Variants in PSG7 observed in about 807,000 individuals in gnomAD.
PSG7 encodes pregnancy specific beta-1-glycoprotein 7, also known as pregnancy-specific beta-1-glycoprotein 7.
PSG7 carries 57 observed loss-of-function variants against 45.6 expected under a neutral mutation model. That is an observed-to-expected ratio of 1.25 (90% CI 1.01 to 1.56). PSG7 has a LOEUF of 1.56. Ranked by LOEUF, PSG7 falls within the 40% of genes most tolerant of loss-of-function variation. The probability of loss-of-function intolerance (pLI) is 0.00; values close to 1 mark genes in which losing one functional copy is unlikely to be tolerated. For missense variants in PSG7, 796 were observed against 508.4 expected (o/e 1.57, Z -5.44); for synonymous variants, 298 against 194.4 (o/e 1.53, Z -4.43).
chr19:42,935,931 T>C (rs528131110), intron 1 of PSG7, among the ~76,000 whole-genome samples, 162 bp from the exon 2 acceptor site: 27 of 138,518 alleles, frequency 1.9e-4, no homozygotes, highest in African/African-American at 4.3e-4. Flanking sequence ...CACACACACA[T>C]ATAAAAGGGG....
At chr19:42,933,291 ATATATATATATATATATTTT>A (rs1159825421) in intron 2 of PSG7, among the ~76,000 whole-genome samples, 2 of 9,706 alleles carry the variant, frequency 2.1e-4, no homozygotes, top group African/African-American at 3.1e-4. Flanking sequence ...ATATATATAT[ATATATATATATATATATTTT>A]TTTTTTTTTT....
chr19:42,935,880 AC>A, intron 1 of PSG7, 111 bp from the exon 2 acceptor site: 1 of 722,054 alleles, frequency 1.4e-6, no homozygotes, highest in Non-Finnish European at 2.0e-6. Flanking sequence ...GAAGACACAC[AC>A]ACACACACAC....
chr19:42,935,602 A>G lies in PSG7; in HGVS notation c.232T>C (p.Tyr78His). The G allele has an allele frequency of 6.2e-7, 1 of 1,612,120 alleles. No individual in the cohort carries two copies. The highest frequency in any genetic ancestry group is 2.2e-5 in the East Asian group (1 of 44,782). ...CCGTCTACTATATATGATGTAACATAATGGTAGAGGTCCCTGATTTGTCCT... is the reference window on the plus strand; with the variant it reads ...CCGTCTACTATATATGATGTAACATGATGGTAGAGGTCCCTGATTTGTCCT... ...YKGQIRDLYH[Y>H]VTSYIVDGQI... The change falls in exon 2 of 6, where the codon TAT (tyrosine) becomes CAT (histidine). Residue 78 changes from tyrosine to histidine, a missense_variant. Tyr to His is a moderately conservative substitution (Grantham distance 83). Coordinates refer to ENST00000406070, the MANE Select transcript of PSG7 (RefSeq NM_002783.3).
At chr19:42,929,303 G>A (rs1257554781) in intron 3 of PSG7, 139 bp downstream of exon 3, 3 of 1,565,128 alleles carry the variant, frequency 1.9e-6, no homozygotes, top group Non-Finnish European at 2.6e-6. Context: ...GTTTGCCTGG[G>A]GCAGGAAGTC....
At position 42,927,042 on chromosome 19, in the gene PSG7, C is replaced by T. The variant is rs1172807664; in HGVS notation, c.710-326G>A. ...TAATGAGTTGACTGGCTGGCTCACC[C>T]TGGGTTCATTACCTGGAATGTGCAA... On this transcript the variant is annotated intron_variant, in intron 3 of 5. Coordinates refer to ENST00000406070, the MANE Select transcript of PSG7 (RefSeq NM_002783.3). The T allele has an allele frequency of 2.5e-5, 10 of 408,144 alleles. 1 individual carries two copies. The highest frequency in any genetic ancestry group is 4.3e-5 in the Non-Finnish European group (10 of 231,520). 25.3% of individuals were successfully genotyped at this position (408,144 alleles called of 1,614,324 possible). A position where few individuals can be genotyped will look rare whatever the true frequency, so the allele number is the denominator to read the frequency against.
At position 42,935,486 on chromosome 19, in the gene PSG7, G is replaced by A. The variant is rs1469827247; in HGVS notation, c.348C>T (p.Asp116=). 2 of 1,612,152 alleles carry A rather than the reference G, an allele frequency of 1.2e-6. No individual in the cohort carries two copies. Among genetic ancestry groups the A allele is most frequent in the Non-Finnish European group, 1.7e-6 (2 of 1,179,024 alleles). Reference sequence around the variant, plus strand: ...TGATGTGTAAAGTGTAGGATCCTGTGTCTTCCTGGGTGACATTCTGGATCA... The same window carrying A: ...TGATGTGTAAAGTGTAGGATCCTGTATCTTCCTGGGTGACATTCTGGATCA... ...SLLIQNVTQE[D]TGSYTLHIIK... Residue 116 remains aspartate, a synonymous_variant, in exon 2 of 6, where the codon GAC becomes GAT. Coordinates refer to ENST00000406070, the MANE Select transcript of PSG7 (RefSeq NM_002783.3).
chr19:42,930,805 A>C (rs543750300), intron 2 of PSG7, among the ~76,000 whole-genome samples: 2 of 151,592 alleles, frequency 1.3e-5, no homozygotes, highest in South Asian at 4.2e-4. Context: ...GTGTGGTTTC[A>C]GTTATGCAGG....
intron 5 of PSG7, chr19:42,925,393 A>G (rs1424449874): frequency 4.6e-6 from 2 of 433,568 alleles, no homozygotes; most frequent in East Asian, 1.1e-4. Flanking sequence ...CATTCCCAGA[A>G]GTATAGTTTA....
At chr19:42,933,134 C>G (rs952963143) in intron 2 of PSG7, among the ~76,000 whole-genome samples, 1 of 148,026 alleles carries the variant, frequency 6.8e-6, no homozygotes, top group Non-Finnish European at 1.5e-5. Context: ...TCCTGTGCCC[C>G]TGAAACTATC....
At position 42,935,608 on chromosome 19, in the gene PSG7, A is replaced by T. The variant is rs1474668370; in HGVS notation, c.226T>A (p.Tyr76Asn). ...IWYKGQIRDL[Y>N]HYVTSYIVDG... Reference sequence around the variant, plus strand: ...ACTATATATGATGTAACATAATGGTAGAGGTCCCTGATTTGTCCTTTGTAC... The same window carrying T: ...ACTATATATGATGTAACATAATGGTTGAGGTCCCTGATTTGTCCTTTGTAC... The change falls in exon 2 of 6, where the codon TAC (tyrosine) becomes AAC (asparagine). Residue 76 changes from tyrosine to asparagine, a missense_variant. Tyr to Asn is a moderately radical substitution (Grantham distance 143). Coordinates refer to ENST00000406070, the MANE Select transcript of PSG7 (RefSeq NM_002783.3). 1 of 1,612,168 alleles carries T rather than the reference A, an allele frequency of 6.2e-7. No individual in the cohort carries two copies. Among genetic ancestry groups the T allele is most frequent in the Non-Finnish European group, 8.5e-7 (1 of 1,179,116 alleles).
At chr19:42,929,221 G>C (rs1300076314) in intron 3 of PSG7, 11 of 1,079,634 alleles carry the variant, frequency 1.0e-5, no homozygotes, top group Non-Finnish European at 1.4e-5. Context: ...ATCACAAGCT[G>C]TGGACCCTGA....
chr19:42,929,608 C>T lies in PSG7; in HGVS notation c.543G>A (p.Trp181Ter), dbSNP rs371931751. 2 of 1,612,494 alleles carry T rather than the reference C, an allele frequency of 1.2e-6. No individual in the cohort carries two copies. Among genetic ancestry groups the T allele is most frequent in the Admixed American group, 1.7e-5 (1 of 59,900 alleles). ...TCATAGGGAGGCTCTGACCATTCAT[C>T]CACCACAGGTAGCTTGCATCTGGAG... ...PETPDASYLW[W>*]MNGQSLPMTH... Residue 181 changes from tryptophan to a stop codon, truncating the protein, a stop_gained, in exon 3 of 6, where the codon TGG becomes TGA. Coordinates refer to ENST00000406070, the MANE Select transcript of PSG7 (RefSeq NM_002783.3). LOFTEE classifies it high-confidence loss of function.
chr19:42,929,248 G>T (rs1600565883), intron 3 of PSG7, 194 bp downstream of exon 3: 9 of 1,304,730 alleles, frequency 6.9e-6, no homozygotes. Flanking sequence ...CATGACAGGA[G>T]CAGCCTCTTT....
intron 2 of PSG7, among the ~76,000 whole-genome samples, chr19:42,930,087 A>G (rs551820506): frequency 4.6e-5 from 7 of 151,622 alleles, no homozygotes; most frequent in Non-Finnish European, 7.4e-5. Flanking sequence ...GAATCTTCTT[A>G]GTTTCAATCT....
rs887148891 is a variant in PSG7, at chr19:42,929,712, G to T, written c.439C>A (p.Pro147Thr). 1.2e-6 allele frequency: 2 copies of T among 1,611,848 alleles called. No homozygotes were observed. Among genetic ancestry groups the T allele is most frequent in the South Asian group, 2.2e-5 (2 of 90,752 alleles). Residue 147 changes from proline (P) to threonine (T), a missense_variant, in exon 3 of 6, where the codon CCC (proline) becomes ACC (threonine). Pro to Thr is a conservative substitution (Grantham distance 38). Transcript: ENST00000406070. ...RFTFTLYLET[P>T]KPSISSSNFN... ...TTGCTGCTGGAGATGGAGGGTTTGG[G>T]AGTCTCCACTGTGCGGAAAACAGAG...
At position 42,926,008 on chromosome 19, in the gene PSG7, T is replaced by A; in HGVS notation, c.1008A>T (p.Arg336Ser). 1 of 1,611,898 alleles carries A rather than the reference T, an allele frequency of 6.2e-7. No homozygotes were observed. Among genetic ancestry groups the A allele is most frequent in the Non-Finnish European group, 8.5e-7 (1 of 1,179,014 alleles). Residue 336 changes from arginine to serine, a missense_variant, in exon 5 of 6, where the codon AGA becomes AGT. Arg to Ser is a moderately radical substitution (Grantham distance 110). Transcript: ENST00000406070. ...LNVLYGPDLPRIYPSFTYYHS... is the reference protein window; with the variant it reads ...LNVLYGPDLPSIYPSFTYYHS... Reference sequence around the variant, plus strand: ...GGTAATAGGTGAATGAAGGGTAAATTCTGGGGAGGTCTGGACCATCTGGAG... The same window carrying A: ...GGTAATAGGTGAATGAAGGGTAAATACTGGGGAGGTCTGGACCATCTGGAG...
intron 2 of PSG7, among the ~76,000 whole-genome samples, chr19:42,931,655 A>G (rs1198904957): frequency 2.0e-5 from 3 of 151,398 alleles, no homozygotes; most frequent in Non-Finnish European, 2.9e-5. Flanking sequence ...GTCTCCCCAC[A>G]CGAAGAACTC....
Position 42,929,705 on chromosome 19 carries a change from G to T in PSG7, c.446C>A (p.Pro149His). ...GTTGAAATTGCTGCTGGAGATGGAG[G>T]GTTTGGGAGTCTCCACTGTGCGGAA... ...TFTLYLETPK[P>H]SISSSNFNPR... The change falls in exon 3 of 6, where the codon CCC (proline) becomes CAC (histidine). Residue 149 changes from proline (P) to histidine (H), a missense_variant. By Grantham distance (77) the Pro-to-His change is moderately conservative. Coordinates refer to ENST00000406070, the MANE Select transcript of PSG7 (RefSeq NM_002783.3). 1 of 1,612,074 alleles carries T rather than the reference G, an allele frequency of 6.2e-7. No homozygotes were observed. The highest frequency in any genetic ancestry group is 8.5e-7 in the Non-Finnish European group (1 of 1,179,016).
chr19:42,936,921 T>C (rs1276360092), intron 1 of PSG7, 92 bp downstream of exon 1: 6 of 1,558,766 alleles, frequency 3.8e-6, no homozygotes, highest in Non-Finnish European at 3.5e-6. Context: ...TGCTGGCTTC[T>C]TTTATTTTTT....
Sources: gnomAD v4.1 joint callset for allele counts (sites outside exome capture counted in the v4.1 genomes callset) on GRCh38, gnomAD v4.1.1 for gene constraint, MANE v1.5 for transcripts, NCBI Gene and HGNC (gene_info 2026-07-23, HGNC 2026-07-21) for gene names.